RABGAP1L: variants seen among roughly 807,000 people sequenced by gnomAD.
RABGAP1L encodes the protein RAB GTPase activating protein 1 like, also known as rab GTPase-activating protein 1-like.
Under a neutral mutation model 137.7 loss-of-function variants are expected in RABGAP1L, and 63 were observed. The ratio of observed to expected loss-of-function variants is 0.46; its 90% CI spans 0.37 to 0.56. RABGAP1L has a LOEUF of 0.56. RABGAP1L is among the 20% of genes least tolerant of loss of function. RABGAP1L has a pLI of 0.00. For synonymous variants in RABGAP1L, 431 were observed against 433.7 expected (o/e 0.99, Z 0.08); for missense variants, 1,095 against 1,244.0 (o/e 0.88, Z 1.80).
intron 13 of RABGAP1L, among the ~76,000 whole-genome samples, chr1:174,490,132 T>A (rs966209640): frequency 1.3e-5 from 2 of 152,042 alleles, no homozygotes; most frequent in Non-Finnish European, 2.9e-5. Flanking sequence ...CTGGATTATG[T>A]TGATGGTTGT....
At chr1:174,768,454 G>A (rs1040082232) in intron 18 of RABGAP1L, among the ~76,000 whole-genome samples, 1 of 152,210 alleles carries the variant, frequency 6.6e-6, no homozygotes, top group Admixed American at 6.5e-5. Flanking sequence ...CAAACTGGTG[G>A]AGTTTAACAG....
At chr1:174,878,467 C>A (rs1267099945) in intron 19 of RABGAP1L, among the ~76,000 whole-genome samples, 3 of 152,160 alleles carry the variant, frequency 2.0e-5, no homozygotes, top group African/African-American at 7.2e-5. Flanking sequence ...CTCAGGTGAT[C>A]CGCCTGCCTC....
intron 18 of RABGAP1L, among the ~76,000 whole-genome samples, chr1:174,768,003 C>A (rs556354007): frequency 1.3e-5 from 2 of 152,272 alleles, no homozygotes; most frequent in East Asian, 3.9e-4. Context: ...AAACCACCCC[C>A]ATGATTCGGT....
intron 17 of RABGAP1L, among the ~76,000 whole-genome samples, chr1:174,702,621 G>T (rs1334058673): frequency 2.6e-5 from 4 of 152,070 alleles, no homozygotes; most frequent in Non-Finnish European, 4.4e-5. Context: ...TACTGCAAGA[G>T]TGAATATAAA....
chr1:174,566,933 A>T (rs2148035742), intron 13 of RABGAP1L, among the ~76,000 whole-genome samples: 1 of 152,290 alleles, frequency 6.6e-6, no homozygotes, highest in South Asian at 2.1e-4. Flanking sequence ...AGCCTTCAAG[A>T]GTCTATGAAG....
At chr1:174,955,737 C>T (rs1488534376) in intron 19 of RABGAP1L, among the ~76,000 whole-genome samples, 1 of 152,108 alleles carries the variant, frequency 6.6e-6, no homozygotes, top group Non-Finnish European at 1.5e-5. Flanking sequence ...CAACATAGCA[C>T]GTTTGTAATC....
intron 13 of RABGAP1L, among the ~76,000 whole-genome samples, chr1:174,438,959 G>C (rs192619878): frequency 6.6e-6 from 1 of 151,000 alleles, no homozygotes; most frequent in Non-Finnish European, 1.5e-5. Context: ...CCTGTGTTCC[G>C]ACAAAATTTA....
intron 13 of RABGAP1L, among the ~76,000 whole-genome samples, chr1:174,613,980 C>A (rs1338001372): frequency 6.6e-6 from 1 of 152,138 alleles, no homozygotes; most frequent in Non-Finnish European, 1.5e-5. Flanking sequence ...TTCCTGAATA[C>A]AGCACACTGA....
At chr1:174,703,778 G>T (rs940393922) in intron 17 of RABGAP1L, among the ~76,000 whole-genome samples, 2 of 152,070 alleles carry the variant, frequency 1.3e-5, no homozygotes, top group African/African-American at 4.8e-5. Context: ...TAGCCATTCT[G>T]ACTGTCATAA....
At chr1:174,488,445 T>A (rs1659884435) in intron 13 of RABGAP1L, among the ~76,000 whole-genome samples, 1 of 152,182 alleles carries the variant, frequency 6.6e-6, no homozygotes, top group South Asian at 2.1e-4. Context: ...TCTTGCTGCT[T>A]TTAGGATACT....
At chr1:174,241,124 A>G (rs1671785422) in intron 4 of RABGAP1L, among the ~76,000 whole-genome samples, 1 of 152,160 alleles carries the variant, frequency 6.6e-6, no homozygotes, top group South Asian at 2.1e-4. Context: ...GTTCAAGGCT[A>G]GCCTGGCTAA....
chr1:174,692,259 G>T (rs1678925543), intron 15 of RABGAP1L, among the ~76,000 whole-genome samples: 1 of 151,986 alleles, frequency 6.6e-6, no homozygotes, highest in African/African-American at 2.4e-5. Context: ...TGGAGCGGGG[G>T]GTACAACATT....
intron 19 of RABGAP1L, among the ~76,000 whole-genome samples, chr1:174,943,412 T>C (rs1666212970): frequency 6.6e-6 from 1 of 152,234 alleles, no homozygotes; most frequent in South Asian, 2.1e-4. Flanking sequence ...TCAGCTTCAT[T>C]GTCATTCCTC....
intron 13 of RABGAP1L, among the ~76,000 whole-genome samples, chr1:174,572,752 T>C (rs1371351187): frequency 6.6e-6 from 1 of 152,168 alleles, no homozygotes; most frequent in Non-Finnish European, 1.5e-5. Flanking sequence ...CAGTCAAATA[T>C]TAGAAACTCA....
intron 12 of RABGAP1L, among the ~76,000 whole-genome samples, chr1:174,378,847 A>C (rs1473030328): frequency 2.4e-5 from 3 of 123,202 alleles, no homozygotes; most frequent in Non-Finnish European, 5.3e-5. Context: ...TGTTTTGGAC[A>C]TGAAGTCCTT....
chr1:174,355,992 A>G (rs1054423209), intron 11 of RABGAP1L, among the ~76,000 whole-genome samples: 7 of 152,188 alleles, frequency 4.6e-5, no homozygotes, highest in African/African-American at 1.7e-4. Flanking sequence ...TTTCTGTAGA[A>G]CAAGTATAGT....
chr1:174,881,971 C>G (rs1253986067), intron 19 of RABGAP1L, among the ~76,000 whole-genome samples: 2 of 152,142 alleles, frequency 1.3e-5, no homozygotes, highest in East Asian at 1.9e-4. Context: ...AAGAGATTCT[C>G]TTGCCTCAGC....
chr1:174,463,444 T>C (rs1165576821), intron 13 of RABGAP1L, among the ~76,000 whole-genome samples: 1 of 144,650 alleles, frequency 6.9e-6, no homozygotes, highest in Admixed American at 7.4e-5. Flanking sequence ...TTCTCACTCA[T>C]AGGTGGGAAT....
At chr1:174,608,624 T>C (rs1670960173) in intron 13 of RABGAP1L, among the ~76,000 whole-genome samples, 1 of 152,062 alleles carries the variant, frequency 6.6e-6, no homozygotes, top group Non-Finnish European at 1.5e-5. Context: ...CCTTGAAGCT[T>C]AAAGAAAAGC....
Sources: allele counts gnomAD v4.1 joint callset (sites outside exome capture counted in the v4.1 genomes callset), GRCh38; gene constraint gnomAD v4.1.1; transcripts MANE v1.5; gene names NCBI Gene and HGNC (gene_info 2026-07-23, HGNC 2026-07-21).